Variants in RPS6KA6 observed in about 807,000 individuals in gnomAD.
The protein encoded by RPS6KA6 is ribosomal protein S6 kinase A6.
RPS6KA6 carries 27 observed loss-of-function variants against 65.4 expected under a neutral mutation model. The observed-to-expected ratio is 0.41, with a 90% CI of 0.30 to 0.57. The LOEUF (loss-of-function observed/expected upper bound fraction) is 0.57. Ranked by LOEUF, RPS6KA6 falls within the 20% of genes least tolerant of loss-of-function variation. RPS6KA6 has a pLI of 0.24. For synonymous variants in RPS6KA6, 190 were observed against 184.2 expected, an observed-to-expected ratio of 1.03 and a Z score of -0.26; for missense variants, 486 against 555.6, an observed-to-expected ratio of 0.87 and a Z score of 1.26.
rs1330651966 is a variant in RPS6KA6 at position 84,151,196 on chromosome X, G to GATAT, written c.259-3074_259-3073insATAT. Reference sequence around the variant, plus strand: ...TATATATAGCTATATAGGATATATAGAGATATAGATATATAGGATATATAT... The same window carrying GATAT: ...TATATATAGCTATATAGGATATATAGATATAGATATAGATATATAGGATATATAT... On this transcript the variant is annotated intron_variant, in intron 3 of 21. Transcript: ENST00000262752. 5.2e-4 allele frequency among the ~76,000 whole-genome samples: 51 copies of GATAT among 97,540 alleles called. 1 individual carries two copies. Among genetic ancestry groups the GATAT allele is most frequent in the African/African-American group, 1.7e-3 (44 of 26,175 alleles). 84.7% of individuals were successfully genotyped at this position (97,540 alleles called of 115,157 possible).
chrX:84,169,781 T>C (rs183543680), intron 1 of RPS6KA6, among the ~76,000 whole-genome samples: 312 of 111,569 alleles, frequency 2.8e-3, no homozygotes, highest in African/African-American at 9.7e-3. Context: ...ATGCAAATGA[T>C]TAACAAAACA....
chrX:84,085,272 C>T (rs750803309), intron 20 of RPS6KA6, among the ~76,000 whole-genome samples: 20 of 111,471 alleles, frequency 1.8e-4, no homozygotes, highest in Non-Finnish European at 2.4e-4. Context: ...TTGTCTTGTG[C>T]CTGTTTTCAA....
intron 20 of RPS6KA6, among the ~76,000 whole-genome samples, chrX:84,069,322 C>T (rs1028381862): frequency 2.7e-5 from 3 of 111,675 alleles, no homozygotes; most frequent in Non-Finnish European, 5.6e-5. Flanking sequence ...GAAAGGATCC[C>T]CTATTTAATA....
intron 6 of RPS6KA6, among the ~76,000 whole-genome samples, chrX:84,139,757 T>C (rs2035062509): frequency 8.9e-6 from 1 of 112,437 alleles, no homozygotes; most frequent in Non-Finnish European, 1.9e-5. Flanking sequence ...CTGAAAAATC[T>C]AAAACACAGG....
intron 1 of RPS6KA6, among the ~76,000 whole-genome samples, chrX:84,169,112 A>G (rs6616912): frequency 0.061 from 6,888 of 112,002 alleles, 230 homozygotes; most frequent in East Asian, 0.2. Flanking sequence ...GTGCCAAATG[A>G]GAGGAAAAAA....
At chrX:84,146,733 G>A (rs1462841814) in intron 5 of RPS6KA6, among the ~76,000 whole-genome samples, 1 of 111,588 alleles carries the variant, frequency 9.0e-6, no homozygotes, top group African/African-American at 3.3e-5. Context: ...TACCAGACAG[G>A]TAAGTGAAAA....
chrX:84,080,107 A>G (rs2033760008), intron 20 of RPS6KA6, among the ~76,000 whole-genome samples: 2 of 108,500 alleles, frequency 1.8e-5, no homozygotes, highest in South Asian at 8.3e-4. Flanking sequence ...TGCCCCTAAC[A>G]CCTCATACAG....
intron 20 of RPS6KA6, among the ~76,000 whole-genome samples, chrX:84,075,910 C>T (rs757906964): frequency 9.0e-6 from 1 of 111,726 alleles, no homozygotes; most frequent in East Asian, 2.8e-4. Context: ...CGTCAAAATA[C>T]ATGAAGCAAA....
chrX:84,166,981 GA>G (rs942536235), intron 1 of RPS6KA6, among the ~76,000 whole-genome samples: 9 of 106,469 alleles, frequency 8.5e-5, no homozygotes, highest in South Asian at 4.0e-4. Context: ...TCCCAAATTT[GA>G]AAAAAAAAAT....
At chrX:84,118,236 A>C (rs1015663996) in intron 9 of RPS6KA6, among the ~76,000 whole-genome samples, 2 of 111,409 alleles carry the variant, frequency 1.8e-5, no homozygotes, top group African/African-American at 6.5e-5. Context: ...TTATACATTC[A>C]AGTCTCTTCT....
intron 20 of RPS6KA6, among the ~76,000 whole-genome samples, chrX:84,082,096 G>A (rs2033811919): frequency 9.0e-6 from 1 of 111,670 alleles, no homozygotes; most frequent in East Asian, 2.8e-4. Flanking sequence ...TTATGGCCAG[G>A]GCAATCAGGC....
chrX:84,116,648 G>A (rs1448738500), intron 11 of RPS6KA6, among the ~76,000 whole-genome samples: 2 of 109,629 alleles, frequency 1.8e-5, no homozygotes, highest in African/African-American at 6.6e-5. Flanking sequence ...TTCACACAAG[G>A]GCATAAATAA....
intron 1 of RPS6KA6, among the ~76,000 whole-genome samples, chrX:84,174,469 A>T (rs2035732659): frequency 9.0e-6 from 1 of 111,661 alleles, no homozygotes. Flanking sequence ...GAATGGGACA[A>T]GAGTATACAG....
chrX:84,091,301 A>G (rs2034039916), intron 20 of RPS6KA6, among the ~76,000 whole-genome samples: 1 of 112,812 alleles, frequency 8.9e-6, no homozygotes, highest in South Asian at 3.6e-4. Context: ...TGCTGTGTAA[A>G]TTAACAATGC....
intron 20 of RPS6KA6, among the ~76,000 whole-genome samples, chrX:84,074,089 C>T (rs56249996): frequency 0.1 from 11,630 of 111,562 alleles, 697 homozygotes; most frequent in East Asian, 0.52. Flanking sequence ...TACTGCAGCA[C>T]GATTCACAAT....
At position 84,132,335 on chromosome X, in the gene RPS6KA6, G is replaced by A. The variant is rs189654758; in HGVS notation, c.646+2447C>T. On this transcript the variant is annotated intron_variant, in intron 8 of 21. Coordinates refer to ENST00000262752, the MANE Select transcript of RPS6KA6 (RefSeq NM_014496.5). ...CCCAGAAGGCTGGGGTGGGAGGATGGCTTGAGCCCAGGAGTTAAAGGCTGT... is the reference window on the plus strand; with the variant it reads ...CCCAGAAGGCTGGGGTGGGAGGATGACTTGAGCCCAGGAGTTAAAGGCTGT... Among the ~76,000 whole-genome samples the A allele has an allele frequency of 2.3e-3, 253 of 110,608 alleles. No individual in the cohort carries two copies. The Middle Eastern group carries it at 0.028, about 12-fold the overall frequency.
At chrX:84,140,102 G>A (rs146930691) in intron 6 of RPS6KA6, among the ~76,000 whole-genome samples, 1 of 111,874 alleles carries the variant, frequency 8.9e-6, no homozygotes, top group African/African-American at 3.2e-5. Context: ...ACATATGAGT[G>A]AGGACATTAC....
intron 20 of RPS6KA6, among the ~76,000 whole-genome samples, chrX:84,087,403 T>G (rs2033949202): frequency 9.0e-6 from 1 of 111,641 alleles, no homozygotes; most frequent in Non-Finnish European, 1.9e-5. Flanking sequence ...TATTTCTCCT[T>G]CGCTTGTGAA....
intron 20 of RPS6KA6, among the ~76,000 whole-genome samples, chrX:84,089,288 T>G (rs2033994677): frequency 9.0e-6 from 1 of 111,391 alleles, no homozygotes; most frequent in Admixed American, 9.5e-5. Flanking sequence ...TGGTCACCCC[T>G]CCCCCTGGAA....
Sources: allele counts gnomAD v4.1 joint callset (sites outside exome capture counted in the v4.1 genomes callset), GRCh38; gene constraint gnomAD v4.1.1; transcripts MANE v1.5; gene names NCBI Gene and HGNC (gene_info 2026-07-23, HGNC 2026-07-21).